BEND4: variants seen among roughly 807,000 people sequenced by gnomAD.
BEND4 encodes BEN domain containing 4, also known as BEN domain-containing protein 4.
A neutral mutation model predicts 54.7 loss-of-function variants in BEND4; 27 were observed. That is an observed-to-expected ratio of 0.49 (90% CI 0.36 to 0.68). The LOEUF (loss-of-function observed/expected upper bound fraction) is 0.68, where lower values mean the gene tolerates loss of function less well. Among genes scored for constraint, BEND4 ranks in the 30% least tolerant of loss-of-function variants. BEND4 has a pLI of 0.00. For missense variants in BEND4, 702 were observed against 697.2 expected (o/e 1.01, Z -0.08); for synonymous variants, 327 against 299.5 (o/e 1.09, Z -0.95).
At chr4:42,148,045 A>C (rs1283830167) in intron 2 of BEND4, among the ~76,000 whole-genome samples, 1 of 152,180 alleles carries the variant, frequency 6.6e-6, no homozygotes, top group Non-Finnish European at 1.5e-5. Flanking sequence ...CAGAAGCAGA[A>C]ATTTTTTTTA....
chr4:42,144,085 T>G, intron 2 of BEND4, 91 bp from the exon 3 acceptor site: 1 of 900,510 alleles, frequency 1.1e-6, no homozygotes, highest in Non-Finnish European at 1.8e-6. Flanking sequence ...TTCAAACATG[T>G]TAAAAATATG....
intron 3 of BEND4, among the ~76,000 whole-genome samples, chr4:42,139,648 A>T (rs1465942378): frequency 2.6e-5 from 4 of 151,760 alleles, no homozygotes; most frequent in Admixed American, 2.6e-4. Context: ...ATGACCGAGG[A>T]ACGCTACCTG....
chr4:42,144,201 C>A, intron 2 of BEND4: 5 of 609,586 alleles, frequency 8.2e-6, no homozygotes, highest in Non-Finnish European at 1.5e-5. Context: ...CTGAGTCACA[C>A]GCAGTCTCTT....
chr4:42,152,232 T>G lies in BEND4; in HGVS notation c.-89A>C. 1 of 1,187,902 alleles carries G rather than the reference T, an allele frequency of 8.4e-7. No homozygotes were observed. Among genetic ancestry groups the G allele is most frequent in the Non-Finnish European group, 1.1e-6 (1 of 948,266 alleles). The allele number at this position is 1,187,902 out of a possible 1,614,324, so 73.6% of individuals were successfully genotyped here. On this transcript the variant is annotated 5_prime_UTR_variant, in exon 2 of 6. Transcript: ENST00000502486. ...GTGCCTCCGCCGCCTGCCCGCCGGGTCTGCCCTGGTGCGCGCGTGTGGGAG... is the reference window on the plus strand; with the variant it reads ...GTGCCTCCGCCGCCTGCCCGCCGGGGCTGCCCTGGTGCGCGCGTGTGGGAG...
At chr4:42,133,951 A>C (rs1166425035) in intron 3 of BEND4, among the ~76,000 whole-genome samples, 1 of 152,276 alleles carries the variant, frequency 6.6e-6, no homozygotes. Context: ...TGGGCATCCA[A>C]TAAATATTGC....
chr4:42,151,768 C>A lies in BEND4; in HGVS notation c.376G>T (p.Ala126Ser). The change falls in exon 2 of 6, where the codon GCC becomes TCC. Residue 126 changes from alanine to serine, a missense_variant. Ala to Ser is a moderately conservative substitution (Grantham distance 99, BLOSUM62 1). Coordinates refer to ENST00000502486, the MANE Select transcript of BEND4 (RefSeq NM_207406.4). ...GCGGCGAACGAAGACGACGAGGAGG[C>A]GGCGGGGGACGCGGGCGGCGGCTGC... ...PAQPPPASPA[A>S]SSSSSFAAVV... 2 of 1,496,278 alleles carry A rather than the reference C, an allele frequency of 1.3e-6. No individual in the cohort carries two copies. The highest frequency in any genetic ancestry group is 2.2e-5 in the Admixed American group (1 of 45,370). 92.7% of individuals were successfully genotyped at this position (1,496,278 alleles called of 1,614,324 possible).
At chr4:42,151,616 C>A in intron 2 of BEND4, 41 bp downstream of exon 2, 2 of 1,436,534 alleles carry the variant, frequency 1.4e-6, no homozygotes, top group Non-Finnish European at 1.8e-6. Context: ...CCCGCTGCCC[C>A]CGGCCGTGGC....
chr4:42,136,084 T>C (rs1403455305), intron 3 of BEND4, among the ~76,000 whole-genome samples: 2 of 152,192 alleles, frequency 1.3e-5, no homozygotes, highest in Non-Finnish European at 2.9e-5. Flanking sequence ...ATACTCAGAA[T>C]GTATTAAGGT....
intron 3 of BEND4, among the ~76,000 whole-genome samples, chr4:42,127,865 T>C (rs10222698): frequency 0.018 from 2,758 of 152,284 alleles, 94 homozygotes; most frequent in African/African-American, 0.063. Flanking sequence ...ACCCATATTT[T>C]AGAGTCATTA....
At position 42,151,826 on chromosome 4, in the gene BEND4, G is replaced by C; in HGVS notation, c.318C>G (p.Pro106=). ...TCCTCAAGTGGCCCTGGGATGTGGC[G>C]GGCGTGCAGGACGGCGACGACGACG... ...AASSSSPSCT[P]ATSQGHLRTP... The change falls in exon 2 of 6, where the codon CCC becomes CCG. Residue 106 remains proline (P), a synonymous_variant. Coordinates refer to ENST00000502486, the MANE Select transcript of BEND4 (RefSeq NM_207406.4). 7.1e-7 allele frequency: 1 copy of C among 1,411,508 alleles called. No individual in the cohort carries two copies. The highest frequency in any genetic ancestry group is 1.5e-5 in the South Asian group (1 of 64,990). 87.4% of individuals were successfully genotyped at this position (1,411,508 alleles called of 1,614,324 possible). A position where few individuals can be genotyped will look rare whatever the true frequency, so the allele number is the denominator to read the frequency against.
rs1323864855 is a variant in BEND4 at position 42,152,240 on chromosome 4, G to A, written c.-97C>T. ...GCCGCCTGCCCGCCGGGTCTGCCCTGGTGCGCGCGTGTGGGAGGGTGTGTG... is the reference window on the plus strand; with the variant it reads ...GCCGCCTGCCCGCCGGGTCTGCCCTAGTGCGCGCGTGTGGGAGGGTGTGTG... On this transcript the variant is annotated 5_prime_UTR_variant, in exon 2 of 6. An upstream open reading frame in the 5' UTR gains an earlier in-frame stop. Coordinates refer to ENST00000502486, the MANE Select transcript of BEND4 (RefSeq NM_207406.4). 8.5e-7 allele frequency: 1 copy of A among 1,172,114 alleles called. No homozygotes were observed. Among genetic ancestry groups the A allele is most frequent in the African/African-American group, 1.6e-5 (1 of 62,612 alleles). 72.6% of individuals were successfully genotyped at this position (1,172,114 alleles called of 1,614,324 possible).
At chr4:42,147,808 A>C (rs1290803651) in intron 2 of BEND4, among the ~76,000 whole-genome samples, 2 of 152,188 alleles carry the variant, frequency 1.3e-5, no homozygotes, top group African/African-American at 2.4e-5. Context: ...GGTTTAATCC[A>C]TCCTATATCT....
intron 4 of BEND4, among the ~76,000 whole-genome samples, chr4:42,123,704 A>AAAAAAACAAAAAC (rs1720154447): frequency 1.8e-5 from 2 of 112,884 alleles, no homozygotes; most frequent in Admixed American, 8.5e-5. Context: ...GAAAAAAAAA[A>AAAAAAACAAAAAC]AAAAAAAAAA....
At chr4:42,131,898 A>T (rs1340306830) in intron 3 of BEND4, among the ~76,000 whole-genome samples, 3 of 152,150 alleles carry the variant, frequency 2.0e-5, no homozygotes, top group African/African-American at 7.2e-5. Flanking sequence ...GGGACCTTGA[A>T]GCACCCCCAG....
intron 3 of BEND4, among the ~76,000 whole-genome samples, chr4:42,136,565 T>C (rs1440251684): frequency 6.6e-6 from 1 of 152,254 alleles, no homozygotes; most frequent in East Asian, 1.9e-4. Context: ...CTGACATGCA[T>C]ACATTCCCAG....
At position 42,143,584 on chromosome 4, in the gene BEND4, C is replaced by G; in HGVS notation, c.898G>C (p.Glu300Gln). 1 of 1,580,394 alleles carries G rather than the reference C, an allele frequency of 6.3e-7. No individual in the cohort carries two copies. Among genetic ancestry groups the G allele is most frequent in the Non-Finnish European group, 8.6e-7 (1 of 1,162,994 alleles). ...GATGAAGATGGGTGGCCATGGGATT[C>G]GGACGTTGCTGGGGAAGTCCAGCCA... Reference protein sequence around the residue: ...LGGWTSPATSESHGHPSSSTL... With the variant: ...LGGWTSPATSQSHGHPSSSTL... Residue 300 changes from glutamate to glutamine, a missense_variant, in exon 3 of 6, where the codon GAA becomes CAA. By Grantham distance (29) the Glu-to-Gln change is conservative. Transcript: ENST00000502486.
intron 4 of BEND4, among the ~76,000 whole-genome samples, chr4:42,121,068 A>C (rs1720040828): frequency 6.6e-6 from 1 of 152,226 alleles, no homozygotes; most frequent in Admixed American, 6.5e-5. Context: ...CTGGTTGTCC[A>C]TAAAATTCTA....
At chr4:42,134,879 T>C (rs1426116417) in intron 3 of BEND4, among the ~76,000 whole-genome samples, 1 of 152,190 alleles carries the variant, frequency 6.6e-6, no homozygotes, top group African/African-American at 2.4e-5. Context: ...ATTCACAAAC[T>C]GTCCAATGGG....
At chr4:42,122,139 C>T (rs969774267) in intron 4 of BEND4, among the ~76,000 whole-genome samples, 8 of 152,190 alleles carry the variant, frequency 5.3e-5, no homozygotes, top group African/African-American at 1.9e-4. Flanking sequence ...TATTGAGCAA[C>T]TGATGACCAG....
Sources: gnomAD v4.1 joint callset for allele counts (sites outside exome capture counted in the v4.1 genomes callset) on GRCh38, gnomAD v4.1.1 for gene constraint, MANE v1.5 for transcripts, NCBI Gene and HGNC (gene_info 2026-07-23, HGNC 2026-07-21) for gene names.